Variants in PER3 observed in about 807,000 individuals in gnomAD.
The protein encoded by PER3 is period circadian regulator 3, also known as period circadian protein homolog 3.
Under a neutral mutation model 127.2 loss-of-function variants are expected in PER3, and 107 were observed. That is an observed-to-expected ratio of 0.84 (90% confidence interval 0.72 to 0.99). The LOEUF (loss-of-function observed/expected upper bound fraction) is 0.99. Among genes scored for constraint, PER3 ranks in the 50% least tolerant of loss-of-function variants. PER3 has a pLI of 0.00. For synonymous variants in PER3, 618 were observed against 585.8 expected, an observed-to-expected ratio of 1.05 and a Z score of -0.79; for missense variants, 1,560 against 1,525.8, an observed-to-expected ratio of 1.02 and a Z score of -0.37.
chr1:7,785,311 G>A (rs1056293835), intron 2 of PER3, 130 bp from the exon 3 acceptor site: 9 of 699,794 alleles, frequency 1.3e-5, no homozygotes, highest in Non-Finnish European at 2.2e-5. Context: ...AGAGGAAGAG[G>A]GGTCACCACC....
At chr1:7,815,574 A>G (rs2097244540) in intron 13 of PER3, among the ~76,000 whole-genome samples, 1 of 152,216 alleles carries the variant, frequency 6.6e-6, no homozygotes, top group Non-Finnish European at 1.5e-5. Context: ...TCTAGCCATA[A>G]TGGATTAAAC....
At chr1:7,792,643 A>C (rs897179240) in intron 5 of PER3, among the ~76,000 whole-genome samples, 21 of 152,134 alleles carry the variant, frequency 1.4e-4, no homozygotes, top group African/African-American at 5.1e-4. Context: ...TCGATTCCTT[A>C]CTTTGAGCAC....
chr1:7,827,103 C>G lies in PER3; in HGVS notation c.2189-15C>G. The G allele has an allele frequency of 1.3e-6, 2 of 1,560,240 alleles. No homozygotes were observed. The highest frequency in any genetic ancestry group is 1.7e-6 in the Non-Finnish European group (2 of 1,155,148). ...TTTAATTTTCCATAATTTGCCTCTACCTTTATCCTTCCAGGAGATTCTACT... is the reference window on the plus strand; with the variant it reads ...TTTAATTTTCCATAATTTGCCTCTAGCTTTATCCTTCCAGGAGATTCTACT... On this transcript the variant is annotated splice_polypyrimidine_tract_variant and intron_variant, in intron 17 of 21. Coordinates refer to ENST00000377532, the MANE Select transcript of PER3 (RefSeq NM_001377275.1).
rs1577725909 is a variant in PER3 at position 7,803,765 on chromosome 1, C to A, written c.1053C>A (p.Ile351=). The A allele has an allele frequency of 1.2e-6, 2 of 1,611,240 alleles. No homozygotes were observed. The highest frequency in any genetic ancestry group is 1.7e-6 in the Non-Finnish European group (2 of 1,177,460). Residue 351 remains isoleucine, a synonymous_variant, in exon 10 of 22, where the codon ATC becomes ATA. Transcript: ENST00000377532. Reference sequence around the variant, plus strand: ...TTTGTACTCAAAACGGAGACTACATCATACTGGATTCCAGTTGGTCCAGCT... The same window carrying A: ...TTTGTACTCAAAACGGAGACTACATAATACTGGATTCCAGTTGGTCCAGCT... ...IRFCTQNGDY[I]ILDSSWSSFV... is the part of the protein sequence containing the mutation.
intron 19 of PER3, among the ~76,000 whole-genome samples, chr1:7,831,564 G>A (rs887550921): frequency 2.0e-5 from 3 of 152,170 alleles, no homozygotes; most frequent in African/African-American, 7.2e-5. Context: ...CATTAAGTAC[G>A]ATGTTAAGTA....
In PER3 at chr1:7,798,591, T is replaced by G. The variant is rs2097156333; in HGVS notation, c.711T>G (p.His237Gln). Residue 237 changes from histidine (H) to glutamine (Q), a missense_variant, in exon 7 of 22, where the codon CAT becomes CAG. Physicochemically the swap from His to Gln is conservative, Grantham distance 24 (BLOSUM62 0). Transcript: ENST00000377532. ...SPFRIIPYLI[H>Q]VHHPAQPELE... ...TCCGGATCATCCCCTATCTGATTCA[T>G]GTACATCACCCTGCCCAGCCAGAAT... The G allele has an allele frequency of 1.2e-6, 2 of 1,613,356 alleles. No individual in the cohort carries two copies. Among genetic ancestry groups the G allele is most frequent in the South Asian group, 1.1e-5 (1 of 91,066 alleles).
intron 21 of PER3, among the ~76,000 whole-genome samples, chr1:7,841,267 G>A (rs1033885700): frequency 2.0e-5 from 3 of 150,980 alleles, no homozygotes; most frequent in African/African-American, 7.3e-5. Flanking sequence ...GTACTTTGGC[G>A]TTTCTTTGTA....
intron 21 of PER3, among the ~76,000 whole-genome samples, chr1:7,840,536 T>G (rs1042309720): frequency 6.6e-6 from 1 of 152,092 alleles, no homozygotes. Flanking sequence ...CAGGCTGGTC[T>G]TGAACTCTTG....
chr1:7,801,169 G>T lies in PER3; in HGVS notation c.850G>T (p.Val284Phe). ...IFTTTHTPGC[V>F]FLEVDEKAVP... ...CACCACCACACACACCCCAGGGTGT[G>T]TTTTTCTTGAAGTAGATGAAAAGTA... The change falls in exon 8 of 22, where the codon GTT becomes TTT. Residue 284 changes from valine to phenylalanine, a missense_variant. Around this residue, in one of 3 missense-constraint regions of PER3, gnomAD observed 1,332 missense variants for 1,223.6 expected, o/e 1.09. Transcript: ENST00000377532. The T allele has an allele frequency of 6.3e-7, 1 of 1,598,434 alleles. No individual in the cohort carries two copies. The highest frequency in any genetic ancestry group is 8.5e-7 in the Non-Finnish European group (1 of 1,170,476).
chr1:7,807,662 T>C (rs1045293202), intron 10 of PER3, among the ~76,000 whole-genome samples: 13 of 152,162 alleles, frequency 8.5e-5, no homozygotes, highest in Non-Finnish European at 1.9e-4. Context: ...TAATTCCTAC[T>C]TTCTGGGTTG....
chr1:7,803,161 C>G lies in PER3; in HGVS notation c.979+8C>G, dbSNP rs1305260431. 2.0e-6 allele frequency: 3 copies of G among 1,481,508 alleles called. No individual in the cohort carries two copies. In the African/African-American group the frequency reaches 4.2e-5, roughly 20 times the overall value. 91.8% of individuals were successfully genotyped at this position (1,481,508 alleles called of 1,614,324 possible). ...TTGCCATACACCAAAAAGGTCAGGA[C>G]CTACTCCTTTATAGGAGGAAATATT... On this transcript the variant is annotated splice_region_variant and intron_variant, in intron 9 of 21. Coordinates refer to ENST00000377532, the MANE Select transcript of PER3 (RefSeq NM_001377275.1).
chr1:7,819,182 T>G (rs141723970), intron 13 of PER3, 103 bp from the exon 14 acceptor site: 1 of 910,574 alleles, frequency 1.1e-6, no homozygotes, highest in African/African-American at 1.6e-5. Flanking sequence ...ATTCTGTTGA[T>G]ATATACATGA....
intron 21 of PER3, among the ~76,000 whole-genome samples, chr1:7,837,480 A>G (rs2097363869): frequency 1.3e-5 from 2 of 152,204 alleles, no homozygotes; most frequent in Admixed American, 1.3e-4. Flanking sequence ...TTGATAGGTC[A>G]TTTGTTATGT....
intron 8 of PER3, among the ~76,000 whole-genome samples, chr1:7,802,839 T>G (rs228641): frequency 6.6e-6 from 1 of 152,224 alleles, no homozygotes; most frequent in Non-Finnish European, 1.5e-5. Flanking sequence ...GATTTTGATG[T>G]AATGTGTCAG....
chr1:7,786,952 C>A, intron 4 of PER3, 116 bp downstream of exon 4: 1 of 670,392 alleles, frequency 1.5e-6, no homozygotes, highest in South Asian at 1.8e-5. Flanking sequence ...TTGAGAGAAG[C>A]AAAGGAGGAA....
chr1:7,790,107 C>T (rs75107824), intron 5 of PER3, among the ~76,000 whole-genome samples: 1 of 152,360 alleles, frequency 6.6e-6, no homozygotes, highest in East Asian at 1.9e-4. Flanking sequence ...TTTCCTTCAG[C>T]ACTGCCTGTG....
chr1:7,834,157 C>T (rs1384698013), intron 19 of PER3, among the ~76,000 whole-genome samples: 6 of 152,118 alleles, frequency 3.9e-5, no homozygotes, highest in Non-Finnish European at 5.9e-5. Context: ...TGACCTCAGG[C>T]GATCCGCCCG....
Position 7,803,080 on chromosome 1 carries a change from C to T in PER3, c.906C>T (p.Asp302=). Residue 302 remains aspartate (D), a synonymous_variant, in exon 9 of 22, where the codon GAC becomes GAT. Coordinates refer to ENST00000377532, the MANE Select transcript of PER3 (RefSeq NM_001377275.1). ...CTTTGCTGGGTTACCTACCTCAGGA[C>T]CTGATTGGAACATCGATCCTAAGCT... The part of the protein sequence containing the change: ...AVPLLGYLPQ[D]LIGTSILSYL... The T allele has an allele frequency of 6.2e-7, 1 of 1,613,004 alleles. No individual in the cohort carries two copies. The highest frequency in any genetic ancestry group is 8.5e-7 in the Non-Finnish European group (1 of 1,179,030).
chr1:7,786,968 A>G (rs1429320545), intron 4 of PER3, 132 bp downstream of exon 4: 2 of 639,440 alleles, frequency 3.1e-6, no homozygotes, highest in Non-Finnish European at 5.7e-6. Context: ...AGGAACTGCT[A>G]AAGAGGCATG....
Sources: gnomAD v4.1 joint callset for allele counts (sites outside exome capture counted in the v4.1 genomes callset) on GRCh38, gnomAD v4.1.1 for gene constraint, gnomAD v4.1.1 regional missense constraint, MANE v1.5 for transcripts, NCBI Gene and HGNC (gene_info 2026-07-23, HGNC 2026-07-21) for gene names.